ACADVL: variants seen among roughly 807,000 people sequenced by gnomAD.
ACADVL encodes very long-chain acyl-CoA dehydrogenase, mitochondrial.
In ACADVL, 73 loss-of-function variants were observed where a neutral mutation model predicts 80.4. That is an observed-to-expected ratio of 0.91 (90% CI 0.75 to 1.10). The LOEUF (loss-of-function observed/expected upper bound fraction) is 1.10, where lower values mean the gene tolerates loss of function less well. ACADVL is among the 50% of genes least tolerant of loss of function. The probability of loss-of-function intolerance (pLI) is 0.00; values close to 1 mark genes in which losing one functional copy is unlikely to be tolerated. For synonymous variants in ACADVL, 392 were observed against 326.5 expected, an observed-to-expected ratio of 1.20 and a Z score of -2.16; for missense variants, 878 against 858.9, an observed-to-expected ratio of 1.02 and a Z score of -0.28.
chr17:7,221,700 G>A lies in ACADVL; in HGVS notation c.622+18G>A, dbSNP rs200740226. On this transcript the variant is annotated intron_variant, in intron 7 of 19. Coordinates refer to ENST00000356839, the MANE Select transcript of ACADVL (RefSeq NM_000018.4). ...GGCATCTGGTGAGGCAACCCTAGGA[G>A]AGCCAGGGATTGGGGGGCACACTGG... The A allele has an allele frequency of 7.9e-5, 127 of 1,613,498 alleles. No individual in the cohort carries two copies. Among genetic ancestry groups the A allele is most frequent in the Non-Finnish European group, 9.4e-5 (111 of 1,179,992 alleles).
rs1567560562 is a variant in ACADVL, at chr17:7,220,454, CT to C, written c.139-6del. 6.2e-7 allele frequency: 1 copy of C among 1,614,124 alleles called. No homozygotes were observed. The highest frequency in any genetic ancestry group is 8.5e-7 in the Non-Finnish European group (1 of 1,180,050). ...CCTTCCCTGAACTTGCTAACCGTCT[CT>C]TTTCCCAGCTGGCTCTGGACAAGTC... On this transcript the variant is annotated splice_polypyrimidine_tract_variant and intron_variant, in intron 2 of 19. Coordinates refer to ENST00000356839, the MANE Select transcript of ACADVL (RefSeq NM_000018.4).
upstream of ACADVL, chr17:7,219,368 A>T: frequency 9.9e-7 from 1 of 1,007,690 alleles, no homozygotes; most frequent in South Asian, 3.9e-5. Context: ...CAGAGGCTTT[A>T]CTAAGGGAGG....
At position 7,224,863 on chromosome 17, in the gene ACADVL, C is replaced by CT. The variant is rs1555529088; in HGVS notation, c.1807dup (p.Cys603LeufsTer2). ...CCACGGCCCAGCATGAGAAAATGCT[C>CT]TGTGACACCTGGTGTATCGAGGTGA... On this transcript the variant is annotated frameshift_variant, in exon 19 of 20. Transcript: ENST00000356839. LOFTEE classifies it high-confidence loss of function. 1.9e-6 allele frequency: 3 copies of CT among 1,614,004 alleles called. No individual in the cohort carries two copies. Among genetic ancestry groups the CT allele is most frequent in the Admixed American group, 3.3e-5 (2 of 60,012 alleles).
At chr17:7,219,861 G>A, upstream of ACADVL, 2 of 1,538,936 alleles carry the variant, frequency 1.3e-6, no homozygotes, top group Non-Finnish European at 8.7e-7. Flanking sequence ...CCCGGGGCCC[G>A]CAACCGTCCG....
upstream of ACADVL, chr17:7,219,422 G>A (rs995669684): frequency 2.0e-6 from 2 of 1,018,290 alleles, no homozygotes; most frequent in Admixed American, 5.3e-5. Context: ...AACTGTAGCT[G>A]TTCCAAGAGT....
intron 16 of ACADVL, 25 bp from the exon 17 acceptor site, chr17:7,224,455 C>G (rs1292936821): frequency 6.2e-7 from 1 of 1,613,726 alleles, no homozygotes; most frequent in South Asian, 1.1e-5. Flanking sequence ...CCCCTCTGAG[C>G]CCCGCACTGT....
chr17:7,219,925 C>A, upstream of ACADVL: 1 of 1,572,558 alleles, frequency 6.4e-7, no homozygotes, highest in Non-Finnish European at 8.6e-7. Flanking sequence ...AGGACGTGGG[C>A]GTGCAGGACG....
chr17:7,217,581 G>A, upstream of ACADVL: 2 of 1,377,834 alleles, frequency 1.5e-6, no homozygotes, highest in Middle Eastern at 2.7e-4. Context: ...GGAAACGGCA[G>A]CGGCCGAGGG....
Position 7,223,252 on chromosome 17 carries a change from A to C in ACADVL, c.1182+15A>C, listed in dbSNP as rs2071317533. On this transcript the variant is annotated intron_variant, in intron 11 of 19. Transcript: ENST00000356839. ...ATGTAACTGAGGTGAGGGCCTCCCA[A>C]GCCCCTCTCCCTGGAGCCCTGGGGC... 1 of 1,601,248 alleles carries C rather than the reference A, an allele frequency of 6.2e-7. No individual in the cohort carries two copies. The highest frequency in any genetic ancestry group is 1.7e-5 in the Admixed American group (1 of 59,982).
intron 4 of ACADVL, 21 bp from the exon 5 acceptor site, chr17:7,220,745 C>T: frequency 1.9e-6 from 3 of 1,614,184 alleles, no homozygotes; most frequent in Non-Finnish European, 1.7e-6. Context: ...GCCTGACCAG[C>T]CTGTCCCCCA....
upstream of ACADVL, chr17:7,219,408 G>A: frequency 9.8e-7 from 1 of 1,016,142 alleles, no homozygotes; most frequent in Non-Finnish European, 1.2e-6. Flanking sequence ...TCTTCCTACT[G>A]TGAAACTGTA....
At chr17:7,221,123 G>A in intron 6 of ACADVL, 65 bp downstream of exon 6, 1 of 1,609,638 alleles carries the variant, frequency 6.2e-7, no homozygotes, top group Non-Finnish European at 8.5e-7. Flanking sequence ...CAGCTCTTTT[G>A]CCATAGACCT....
chr17:7,218,389 C>T (rs1597510190), upstream of ACADVL: 1 of 1,424,712 alleles, frequency 7.0e-7, no homozygotes, highest in Non-Finnish European at 9.7e-7. Context: ...GCCCTTTCAG[C>T]CAAGGCTGGT....
Position 7,223,576 on chromosome 17 carries a change from G to A in ACADVL, c.1183-68G>A, listed in dbSNP as rs930682466. The A allele has an allele frequency of 2.5e-5, 39 of 1,547,318 alleles. No homozygotes were observed. The African/African-American group carries it at 5.3e-4, about 21-fold the overall frequency. ...GTCAGCCCTTATCTTGGAGATCTGG[G>A]TGATGAGGCCAAGTCTGACAAAGCC... On this transcript the variant is annotated intron_variant, in intron 11 of 19. Transcript: ENST00000356839.
intron 9 of ACADVL, 108 bp from the exon 10 acceptor site, chr17:7,222,559 T>A: frequency 7.9e-7 from 1 of 1,268,226 alleles, no homozygotes. Context: ...CCTCTAATAG[T>A]CTAGTGGTCG....
chr17:7,223,393 A>G lies in ACADVL; in HGVS notation c.1182+156A>G, dbSNP rs1297685376. On this transcript the variant is annotated intron_variant, in intron 11 of 19. Transcript: ENST00000356839. ...AGGCATAGTCAGCTCAGCTTCTGCGAAGAGAGACAGCAATGATGTTCTGCT... is the reference window on the plus strand; with the variant it reads ...AGGCATAGTCAGCTCAGCTTCTGCGGAGAGAGACAGCAATGATGTTCTGCT... 4 of 846,738 alleles carry G rather than the reference A, an allele frequency of 4.7e-6. No individual in the cohort carries two copies. In the Admixed American group the frequency reaches 5.4e-5, roughly 12 times the overall value. 52.5% of individuals were successfully genotyped at this position (846,738 alleles called of 1,614,324 possible). A position where few individuals can be genotyped will look rare whatever the true frequency, so the allele number is the denominator to read the frequency against.
At position 7,223,059 on chromosome 17, in the gene ACADVL, C is replaced by T. The variant is rs2071307601; in HGVS notation, c.1078-74C>T. 5.3e-6 allele frequency: 8 copies of T among 1,517,800 alleles called. 1 individual carries two copies. 94.0% of individuals were successfully genotyped at this position (1,517,800 alleles called of 1,614,324 possible). On this transcript the variant is annotated intron_variant, in intron 10 of 19. Coordinates refer to ENST00000356839, the MANE Select transcript of ACADVL (RefSeq NM_000018.4). Reference sequence around the variant, plus strand: ...GTATGCAAAACCCATCCCTCTGGCGCAAGCCCAGCCCCTCTCCTAGGGAGA... The same window carrying T: ...GTATGCAAAACCCATCCCTCTGGCGTAAGCCCAGCCCCTCTCCTAGGGAGA...
At position 7,222,882 on chromosome 17, in the gene ACADVL, A is replaced by G; in HGVS notation, c.1077+17A>G. ...GCTAAGGCGGTGAGTACCCTGCCCG[A>G]GTCCCTAGGTAACCCAAACAGAAGT... is the stretch of plus-strand genomic sequence containing the variant. On this transcript the variant is annotated intron_variant, in intron 10 of 19. Transcript: ENST00000356839. 1 of 1,609,054 alleles carries G rather than the reference A, an allele frequency of 6.2e-7. No individual in the cohort carries two copies. The highest frequency in any genetic ancestry group is 8.5e-7 in the Non-Finnish European group (1 of 1,179,852).
chr17:7,223,512 C>A, intron 11 of ACADVL, 132 bp from the exon 12 acceptor site: 1 of 1,024,958 alleles, frequency 9.8e-7, no homozygotes, highest in Non-Finnish European at 1.5e-6. Context: ...ACCTGATGAA[C>A]TGACCCAGAA....
Sources: allele counts gnomAD v4.1 joint callset, GRCh38; gene constraint gnomAD v4.1.1; transcripts MANE v1.5; gene names NCBI Gene and HGNC (gene_info 2026-07-23, HGNC 2026-07-21).